Variants in EPN2 observed in about 807,000 individuals in gnomAD.
EPN2 encodes the protein epsin 2, also known as epsin-2.
In EPN2, 34 loss-of-function variants were observed where a neutral mutation model predicts 61.7. The ratio of observed to expected loss-of-function variants is 0.55; its 90% CI spans 0.42 to 0.73. The LOEUF is 0.73. Among genes scored for constraint, EPN2 ranks in the 30% least tolerant of loss-of-function variants. The probability of loss-of-function intolerance (pLI) is 0.00; values close to 1 mark genes in which losing one functional copy is unlikely to be tolerated. For missense variants in EPN2, 714 were observed against 839.2 expected, an observed-to-expected ratio of 0.85 and a Z score of 1.84; for synonymous variants, 349 against 353.6, an observed-to-expected ratio of 0.99 and a Z score of 0.15.
At chr17:19,256,098 C>T (rs866240788) in intron 1 of EPN2, among the ~76,000 whole-genome samples, 12 of 151,916 alleles carry the variant, frequency 7.9e-5, no homozygotes, top group Middle Eastern at 6.8e-3. Flanking sequence ...CCACCACGCC[C>T]GGCTAATTTT....
At chr17:19,317,662 C>T (rs1906450561) in intron 7 of EPN2, among the ~76,000 whole-genome samples, 1 of 152,206 alleles carries the variant, frequency 6.6e-6, no homozygotes, top group South Asian at 2.1e-4. Context: ...TCTTTCAAAC[C>T]TTGGTTCCAT....
intron 1 of EPN2, among the ~76,000 whole-genome samples, chr17:19,247,460 G>T (rs1312191579): frequency 6.6e-6 from 1 of 152,240 alleles, no homozygotes; most frequent in East Asian, 1.9e-4. Context: ...GGTAGGATTT[G>T]AGCTGGACCT....
At chr17:19,322,749 A>G (rs987556867) in intron 7 of EPN2, among the ~76,000 whole-genome samples, 12 of 151,990 alleles carry the variant, frequency 7.9e-5, no homozygotes, top group African/African-American at 2.7e-4. Context: ...CTAAAAAAAA[A>G]AAAAAAAAAA....
At chr17:19,322,508 C>T (rs545205830) in intron 7 of EPN2, among the ~76,000 whole-genome samples, 12 of 151,932 alleles carry the variant, frequency 7.9e-5, no homozygotes, top group South Asian at 4.2e-4. Flanking sequence ...TATATTTTTA[C>T]GTAAGAATTT....
chr17:19,319,304 A>G (rs1287680293), intron 7 of EPN2, among the ~76,000 whole-genome samples: 2 of 152,174 alleles, frequency 1.3e-5, no homozygotes, highest in Non-Finnish European at 2.9e-5. Context: ...GAGTACGTCT[A>G]GATGGAAGGA....
At chr17:19,297,979 G>A (rs1182749622) in intron 4 of EPN2, among the ~76,000 whole-genome samples, 1 of 152,048 alleles carries the variant, frequency 6.6e-6, no homozygotes, top group African/African-American at 2.4e-5. Context: ...GGGTTCAAGC[G>A]ATTCTTTTGC....
intron 1 of EPN2, among the ~76,000 whole-genome samples, chr17:19,262,253 C>T (rs555498003): frequency 9.0e-4 from 136 of 151,380 alleles, no homozygotes; most frequent in African/African-American, 3.1e-3. Flanking sequence ...CCAAGGCGGG[C>T]GGACCACCTG....
intron 7 of EPN2, among the ~76,000 whole-genome samples, chr17:19,315,557 G>C (rs948096090): frequency 2.0e-5 from 3 of 151,982 alleles, no homozygotes; most frequent in African/African-American, 7.3e-5. Flanking sequence ...CACCATCTTA[G>C]CTCATTGCAA....
chr17:19,250,146 T>G (rs1181637158), intron 1 of EPN2, among the ~76,000 whole-genome samples: 1 of 151,694 alleles, frequency 6.6e-6, no homozygotes, highest in Non-Finnish European at 1.5e-5. Flanking sequence ...TAGGCTGGAG[T>G]GCAGTGATGC....
chr17:19,315,573 G>A (rs909787965), intron 7 of EPN2, among the ~76,000 whole-genome samples: 1 of 151,598 alleles, frequency 6.6e-6, no homozygotes, highest in Non-Finnish European at 1.5e-5. Context: ...TGCAACCTTC[G>A]CCTCCCAGGT....
intron 7 of EPN2, among the ~76,000 whole-genome samples, chr17:19,324,007 G>A (rs1299141008): frequency 6.6e-6 from 1 of 152,234 alleles, no homozygotes; most frequent in East Asian, 1.9e-4. Flanking sequence ...GAACATTTCA[G>A]AAGTAATAAG....
rs1343494489 is a variant in EPN2, at chr17:19,283,349, C to T, written c.230C>T (p.Ala77Val). Residue 77 changes from alanine (A) to valine (V), a missense_variant, in exon 3 of 11, where the codon GCG (alanine) becomes GTG (valine). Physicochemically the swap from Ala to Val is moderately conservative, Grantham distance 64. This residue lies in a region of EPN2 where 304 missense variants were observed against 417.4 expected (regional missense o/e 0.73). Coordinates refer to ENST00000314728, the MANE Select transcript of EPN2 (RefSeq NM_014964.5). The surrounding 1 kb of genome is among the most constrained non-coding windows in gnomAD (Gnocchi z 7.0). ...AAGAACTGGCGGCATGTGTACAAGG[C>T]GCTGACCCTGCTGGACTACCTCATC... ...HGKNWRHVYK[A>V]LTLLDYLIKT... The T allele has an allele frequency of 3.1e-6, 5 of 1,613,946 alleles. No individual in the cohort carries two copies. The highest frequency in any genetic ancestry group is 3.3e-5 in the Admixed American group (2 of 59,998).
chr17:19,318,549 C>CAAATAAAAAAAAAA (rs1906494259), intron 7 of EPN2, among the ~76,000 whole-genome samples: 1 of 24,770 alleles, frequency 4.0e-5, no homozygotes, highest in African/African-American at 1.2e-4. Flanking sequence ...GACTCCATCT[C>CAAATAAAAAAAAAA]AAAAAAAAAA....
rs557057401 is a variant in EPN2 at position 19,288,860 on chromosome 17, G to T, written c.766+3070G>T. Among the ~76,000 whole-genome samples, 3 of 152,268 alleles carry T rather than the reference G, an allele frequency of 2.0e-5. No homozygotes were observed. The South Asian group carries it at 6.2e-4, about 32-fold the overall frequency. ...ACCATGCACTCAGTGGCCCGGTGCTGGGCCTTCTGGGTTTATGTCAGAAAT... is the reference window on the plus strand; with the variant it reads ...ACCATGCACTCAGTGGCCCGGTGCTTGGCCTTCTGGGTTTATGTCAGAAAT... On this transcript the variant is annotated intron_variant, in intron 4 of 10. Transcript: ENST00000314728.
intron 1 of EPN2, among the ~76,000 whole-genome samples, chr17:19,256,712 G>A (rs2045083842): frequency 6.6e-6 from 1 of 152,092 alleles, no homozygotes; most frequent in Non-Finnish European, 1.5e-5. Flanking sequence ...TCAGCTCCTG[G>A]AGCTGAGTGA....
At chr17:19,267,555 T>TTA (rs2045212662) in intron 1 of EPN2, among the ~76,000 whole-genome samples, 1 of 149,770 alleles carries the variant, frequency 6.7e-6, no homozygotes, top group Admixed American at 6.6e-5. Flanking sequence ...TTTTTTTTTT[T>TTA]AAAAAAAGAC....
chr17:19,292,397 G>A (rs2045474279), intron 4 of EPN2, among the ~76,000 whole-genome samples: 1 of 152,250 alleles, frequency 6.6e-6, no homozygotes, highest in Non-Finnish European at 1.5e-5. Flanking sequence ...GGTGGGAGAT[G>A]AGACTCATTT....
intron 9 of EPN2, 30 bp from the exon 10 acceptor site, chr17:19,331,823 C>T (rs1907167751): frequency 5.7e-6 from 9 of 1,588,268 alleles, no homozygotes; most frequent in Non-Finnish European, 7.8e-6. Context: ...CTGCCACACT[C>T]ACCCTGCCAT....
intron 4 of EPN2, chr17:19,308,002 G>A (rs1905933964): frequency 4.1e-6 from 4 of 985,184 alleles, no homozygotes; most frequent in Non-Finnish European, 4.8e-6. Flanking sequence ...ACACCTAGGT[G>A]AATGAATCCT....
Sources: gnomAD v4.1 joint callset for allele counts (sites outside exome capture counted in the v4.1 genomes callset) on GRCh38, gnomAD v4.1.1 for gene constraint, gnomAD v4.1.1 regional missense constraint, Gnocchi (gnomAD v3.1) non-coding constraint, MANE v1.5 for transcripts, NCBI Gene and HGNC (gene_info 2026-07-23, HGNC 2026-07-21) for gene names.